HAPSTR1: variants seen among roughly 807,000 people sequenced by gnomAD.
HAPSTR1 encodes HUWE1 associated protein modifying stress responses, also known as HUWE1-associated protein modifying stress responses 1.
chr16:9,094,171 G>C, the HAPSTR1 span, among the ~76,000 whole-genome samples: 1 of 152,106 alleles, frequency 6.6e-6, no homozygotes, highest in Admixed American at 6.6e-5. Flanking sequence ...TTTGAGAACT[G>C]GTAACAAAGT....
At chr16:9,092,792 A>G in the HAPSTR1 span, 1 of 1,009,940 alleles carries the variant, frequency 9.9e-7, no homozygotes, top group South Asian at 1.6e-5. Context: ...CCTGAACAAA[A>G]TGGCGAAACC....
the HAPSTR1 span, among the ~76,000 whole-genome samples, chr16:9,095,516 A>G: frequency 6.6e-6 from 1 of 152,142 alleles, no homozygotes; most frequent in Admixed American, 6.5e-5. Flanking sequence ...ATAATATCTG[A>G]CAAGGTAAAA....
At chr16:9,097,174 A>G in the HAPSTR1 span, among the ~76,000 whole-genome samples, 1 of 151,178 alleles carries the variant, frequency 6.6e-6, no homozygotes, top group Non-Finnish European at 1.5e-5. Context: ...TCCTGACCTC[A>G]GGTGATCCGC....
chr16:9,100,043 G>T, the HAPSTR1 span, among the ~76,000 whole-genome samples: 3 of 152,280 alleles, frequency 2.0e-5, no homozygotes, highest in South Asian at 6.2e-4. Context: ...ACTACATTAT[G>T]CCCCGGTGGA....
At chr16:9,100,272 A>G in the HAPSTR1 span, among the ~76,000 whole-genome samples, 1 of 152,200 alleles carries the variant, frequency 6.6e-6, no homozygotes, top group Admixed American at 6.5e-5. Context: ...AGTGTCTTAC[A>G]TCTAAGCCAG....
At chr16:9,104,940 T>C in the HAPSTR1 span, 1 of 152,234 alleles carries the variant, frequency 6.6e-6, no homozygotes, top group Non-Finnish European at 1.5e-5. Context: ...CATTCCATGC[T>C]TCTCTTAAGG....
At chr16:9,093,094 G>A in the HAPSTR1 span, 1 of 1,235,950 alleles carries the variant, frequency 8.1e-7, no homozygotes, top group Non-Finnish European at 1.2e-6. Context: ...CTGCTCCCCA[G>A]CCCAGCTGCT....
the HAPSTR1 span, chr16:9,092,407 C>A: frequency 2.7e-6 from 2 of 731,170 alleles, no homozygotes; most frequent in Non-Finnish European, 1.8e-6. Flanking sequence ...GCTCCGCGGC[C>A]CTGCCGCCCC....
chr16:9,103,091 C>G, the HAPSTR1 span: 2 of 1,614,140 alleles, frequency 1.2e-6, no homozygotes, highest in Non-Finnish European at 1.7e-6. Flanking sequence ...AAGAACTATT[C>G]GTCGAGAAGA....
the HAPSTR1 span, among the ~76,000 whole-genome samples, chr16:9,098,965 A>C: frequency 1.3e-5 from 2 of 152,168 alleles, no homozygotes; most frequent in Non-Finnish European, 2.9e-5. Context: ...TCAAAAAGCT[A>C]TAAGTAGAGT....
chr16:9,113,027 GTTTTT>G, the HAPSTR1 span: 112 of 128,354 alleles, frequency 8.7e-4, no homozygotes, highest in African/African-American at 2.8e-3. Flanking sequence ...TGTTTTTTTT[GTTTTT>G]TTTTGTTTTT....
At chr16:9,093,022 T>C in the HAPSTR1 span, 4 of 1,600,668 alleles carry the variant, frequency 2.5e-6, no homozygotes, top group Non-Finnish European at 3.4e-6. Context: ...CCTTGCTGCA[T>C]TGCCGATTCA....
the HAPSTR1 span, chr16:9,103,425 G>A: frequency 8.7e-6 from 6 of 692,432 alleles, no homozygotes; most frequent in Admixed American, 3.4e-5. Flanking sequence ...TAATATGGGC[G>A]ATTTCTGTCA....
the HAPSTR1 span, among the ~76,000 whole-genome samples, chr16:9,114,392 C>T: frequency 2.0e-5 from 3 of 151,952 alleles, no homozygotes; most frequent in African/African-American, 7.3e-5. Flanking sequence ...GAAAGAGGAG[C>T]CAGCAGGAAA....
At chr16:9,103,353 T>C in the HAPSTR1 span, 1 of 1,328,628 alleles carries the variant, frequency 7.5e-7, no homozygotes, top group Non-Finnish European at 1.0e-6. Context: ...AGATATACTG[T>C]TTTTTGTCTT....
chr16:9,092,917 T>A, the HAPSTR1 span: 2 of 1,597,016 alleles, frequency 1.3e-6, no homozygotes, highest in African/African-American at 2.7e-5. Flanking sequence ...GGCTTGCTTT[T>A]CAGACCGAGT....
chr16:9,109,526 A>C, the HAPSTR1 span: 2 of 152,154 alleles, frequency 1.3e-5, no homozygotes, highest in African/African-American at 2.4e-5. Context: ...TCTTGACTGC[A>C]GGGCTTGGAG....
the HAPSTR1 span, chr16:9,112,391 A>G: frequency 6.6e-6 from 1 of 152,224 alleles, no homozygotes; most frequent in Non-Finnish European, 1.5e-5. Context: ...TGGGAGATAC[A>G]CTGGTGGAAC....
At chr16:9,118,477 ATGT>A in the HAPSTR1 span, 1 of 152,652 alleles carries the variant, frequency 6.6e-6, no homozygotes, top group African/African-American at 2.4e-5. Flanking sequence ...AATGTTAGAA[ATGT>A]TGTGTGAATT....
Sources: gnomAD v4.1 joint callset for allele counts (sites outside exome capture counted in the v4.1 genomes callset) on GRCh38, gnomAD v4.1.1 for gene constraint, MANE v1.5 for transcripts, NCBI Gene and HGNC (gene_info 2026-07-23, HGNC 2026-07-21) for gene names.